The following KMO variants were observed in gnomAD, a reference collection of about 807,000 sequenced individuals.
KMO encodes the protein kynurenine 3-hydroxylase.
KMO carries 24 observed loss-of-function variants against 57.8 expected under a neutral mutation model. That is an observed-to-expected ratio of 0.42 (90% CI 0.30 to 0.58). The LOEUF (loss-of-function observed/expected upper bound fraction) is 0.58. Ranked by LOEUF, KMO falls within the 20% of genes least tolerant of loss-of-function variation. The probability of loss-of-function intolerance (pLI) is 0.22; values close to 1 mark genes in which losing one functional copy is unlikely to be tolerated. For missense variants in KMO, 483 were observed against 588.2 expected, an observed-to-expected ratio of 0.82 and a Z score of 1.85; for synonymous variants, 210 against 193.6, an observed-to-expected ratio of 1.08 and a Z score of -0.70.
In KMO at chr1:241,591,860, G is replaced by A; in HGVS notation, c.1261-93G>A. 5 of 926,940 alleles carry A rather than the reference G, an allele frequency of 5.4e-6. No individual in the cohort carries two copies. In the South Asian group the frequency reaches 5.9e-5, roughly 11 times the overall value. The allele number at this position is 926,940 out of a possible 1,614,324, so 57.4% of individuals were successfully genotyped here. On this transcript the variant is annotated intron_variant, in intron 14 of 14. Coordinates refer to ENST00000366559, the MANE Select transcript of KMO (RefSeq NM_003679.5). ...TTGTTTCAGGTTAAAGAACAAAGAG[G>A]ACATTGTTTACCCCTTTGTTGTTAA...
chr1:241,586,613 T>G (rs1268853548), intron 10 of KMO, 66 bp from the exon 11 acceptor site: 3 of 1,063,120 alleles, frequency 2.8e-6, no homozygotes, highest in East Asian at 2.4e-5. Context: ...CTATTCAAAA[T>G]CAATAATAAG....
chr1:241,569,814 C>G (rs1222111992), intron 10 of KMO, among the ~76,000 whole-genome samples: 1 of 151,974 alleles, frequency 6.6e-6, no homozygotes, highest in East Asian at 1.9e-4. Context: ...CACCAGCATT[C>G]GTTATCACTT....
intron 12 of KMO, 48 bp downstream of exon 12, chr1:241,588,878 T>C: frequency 1.5e-6 from 2 of 1,326,680 alleles, no homozygotes; most frequent in Non-Finnish European, 2.2e-6. Flanking sequence ...TCACTGATAT[T>C]CTAACAAGTG....
chr1:241,556,256 C>T (rs952440390), intron 5 of KMO, among the ~76,000 whole-genome samples: 6 of 152,132 alleles, frequency 3.9e-5, no homozygotes, highest in African/African-American at 1.4e-4. Flanking sequence ...ACCTTGGCCA[C>T]CCGAGAAGCT....
chr1:241,586,171 C>G (rs1005931878), intron 10 of KMO, among the ~76,000 whole-genome samples: 132 of 149,268 alleles, frequency 8.8e-4, no homozygotes, highest in African/African-American at 3.0e-3. Context: ...GATAACACTG[C>G]CAAGCATGAA....
rs1663476132 is a variant in KMO at position 241,595,392 on chromosome 1, A to T, written c.*3239A>T. On this transcript the variant is annotated 3_prime_UTR_variant, in exon 15 of 15. Transcript: ENST00000366559. ...GGAACCTAGATTCCTAAATGACTGCATAGGACAGATCCCATCTCCTCCACC... is the reference window on the plus strand; with the variant it reads ...GGAACCTAGATTCCTAAATGACTGCTTAGGACAGATCCCATCTCCTCCACC... 1 of 152,268 alleles carries T rather than the reference A, an allele frequency of 6.6e-6. No individual in the cohort carries two copies. The highest frequency in any genetic ancestry group is 1.5e-5 in the Non-Finnish European group (1 of 68,092). The allele number at this position is 152,268 out of a possible 1,614,324, so 9.4% of individuals were successfully genotyped here. A position where few individuals can be genotyped will look rare whatever the true frequency, so the allele number is the denominator to read the frequency against.
rs1320164461 is a variant in KMO at position 241,594,658 on chromosome 1, G to A, written c.*2505G>A. 6 of 1,613,866 alleles carry A rather than the reference G, an allele frequency of 3.7e-6. No individual in the cohort carries two copies. Among genetic ancestry groups the A allele is most frequent in the East Asian group, 2.2e-5 (1 of 44,880 alleles). ...GCAGGCCTCTGGCACCTCAGCAGTCGGAGGCACAGAAGCTGCAAAAGGGAT... is the reference window on the plus strand; with the variant it reads ...GCAGGCCTCTGGCACCTCAGCAGTCAGAGGCACAGAAGCTGCAAAAGGGAT... On this transcript the variant is annotated 3_prime_UTR_variant, in exon 15 of 15. Coordinates refer to ENST00000366559, the MANE Select transcript of KMO (RefSeq NM_003679.5).
intron 12 of KMO, among the ~76,000 whole-genome samples, chr1:241,589,182 A>G (rs1409042332): frequency 1.3e-5 from 2 of 152,214 alleles, no homozygotes; most frequent in African/African-American, 4.8e-5. Flanking sequence ...GAAATGTTGA[A>G]TGGCCTTTTC....
At chr1:241,549,253 GAAA>G (rs1558414891) in intron 2 of KMO, among the ~76,000 whole-genome samples, 543 of 1,510 alleles carry the variant, frequency 0.36, 22 homozygotes, top group Admixed American at 0.39. Flanking sequence ...AAGAAAGAAA[GAAA>G]GAAAGAAAGA....
chr1:241,535,318 G>A (rs1221973127), intron 1 of KMO, among the ~76,000 whole-genome samples: 1 of 150,184 alleles, frequency 6.7e-6, no homozygotes, highest in African/African-American at 2.5e-5. Flanking sequence ...ACCTTATACT[G>A]TCTAACACAT....
At chr1:241,532,990 G>A (rs1660629236) in intron 1 of KMO, among the ~76,000 whole-genome samples, 1 of 152,208 alleles carries the variant, frequency 6.6e-6, no homozygotes, top group South Asian at 2.1e-4. Flanking sequence ...ATGAGTAATT[G>A]GGAATAAGAT....
At chr1:241,541,766 G>A (rs1489101788) in intron 1 of KMO, among the ~76,000 whole-genome samples, 1 of 152,190 alleles carries the variant, frequency 6.6e-6, no homozygotes, top group Non-Finnish European at 1.5e-5. Flanking sequence ...TGCATTGTAA[G>A]TAGAGTTAAC....
intron 4 of KMO, among the ~76,000 whole-genome samples, chr1:241,554,301 G>A (rs1344631477): frequency 1.5e-5 from 2 of 131,014 alleles, no homozygotes; most frequent in Non-Finnish European, 3.2e-5. Context: ...TTTCTTTCTA[G>A]ACAGAGTCTC....
intron 1 of KMO, among the ~76,000 whole-genome samples, chr1:241,544,978 T>C (rs1027493206): frequency 1.3e-5 from 2 of 152,190 alleles, no homozygotes; most frequent in African/African-American, 4.8e-5. Context: ...TATACCTTTG[T>C]CTCTTTTTAC....
At position 241,565,109 on chromosome 1, in the gene KMO, G is replaced by A. The variant is rs1662027406; in HGVS notation, c.687+51G>A. The stretch of plus-strand genomic sequence containing the variant: ...TAATTTTGCATTTGTAATTAATGTT[G>A]TTTATTACTTACATTTGTACTTAGA... On this transcript the variant is annotated intron_variant, in intron 8 of 14. Coordinates refer to ENST00000366559, the MANE Select transcript of KMO (RefSeq NM_003679.5). 1.6e-5 allele frequency: 16 copies of A among 1,021,554 alleles called. No homozygotes were observed. In the East Asian group the frequency reaches 3.8e-4, roughly 24 times the overall value. The allele number at this position is 1,021,554 out of a possible 1,614,324, so 63.3% of individuals were successfully genotyped here. A position where few individuals can be genotyped will look rare whatever the true frequency, so the allele number is the denominator to read the frequency against.
chr1:241,565,447 G>A (rs907931527), intron 8 of KMO, among the ~76,000 whole-genome samples: 4 of 151,794 alleles, frequency 2.6e-5, no homozygotes, highest in Non-Finnish European at 5.9e-5. Flanking sequence ...GGGGATGGGC[G>A]CAGCGGCTCA....
chr1:241,550,798 T>C (rs897228272), intron 3 of KMO, among the ~76,000 whole-genome samples, 157 bp from the exon 4 acceptor site: 7 of 152,236 alleles, frequency 4.6e-5, no homozygotes. Context: ...ACCATTTTCA[T>C]TGAAGGAGTT....
At chr1:241,576,343 T>C (rs547145493) in intron 10 of KMO, among the ~76,000 whole-genome samples, 1 of 152,250 alleles carries the variant, frequency 6.6e-6, no homozygotes, top group East Asian at 1.9e-4. Flanking sequence ...CATTGTGTTA[T>C]GTTTTGTAGG....
At chr1:241,590,173 A>C in intron 13 of KMO, 31 bp from the exon 14 acceptor site, 1 of 1,608,730 alleles carries the variant, frequency 6.2e-7, no homozygotes, top group South Asian at 1.1e-5. Context: ...GTTAAAGAAT[A>C]CACAAGAATA....
Sources: allele counts gnomAD v4.1 joint callset (sites outside exome capture counted in the v4.1 genomes callset), GRCh38; gene constraint gnomAD v4.1.1; transcripts MANE v1.5; gene names NCBI Gene and HGNC (gene_info 2026-07-23, HGNC 2026-07-21).